The following PCDHGA4 variants were observed in gnomAD, a reference collection of about 807,000 sequenced individuals.
The protein encoded by PCDHGA4 is protocadherin gamma-A4.
In PCDHGA4, 38 loss-of-function variants were observed where a neutral mutation model predicts 54.6. The ratio of observed to expected loss-of-function variants is 0.70; its 90% confidence interval spans 0.54 to 0.91. The LOEUF is 0.91. Ranked by LOEUF, PCDHGA4 falls within the 40% of genes least tolerant of loss-of-function variation. The probability of loss-of-function intolerance (pLI) is 0.00; values close to 1 mark genes in which losing one functional copy is unlikely to be tolerated. For synonymous variants in PCDHGA4, 511 were observed against 512.9 expected, an observed-to-expected ratio of 1.00 and a Z score of 0.05; for missense variants, 1,298 against 1,220.9, an observed-to-expected ratio of 1.06 and a Z score of -0.94.
Position 141,372,614 on chromosome 5 carries a change from C to A in PCDHGA4, c.2514+14993C>A, listed in dbSNP as rs759304946. 6.2e-6 allele frequency: 10 copies of A among 1,613,984 alleles called. No individual in the cohort carries two copies. The South Asian group carries it at 8.8e-5, about 14-fold the overall frequency. On this transcript the variant is annotated intron_variant, in intron 1 of 3. Coordinates refer to ENST00000571252, the MANE Select transcript of PCDHGA4 (RefSeq NM_018917.4). Reference sequence around the variant, plus strand: ...GCTTCAAGACTGTACCTGGAGTTCTCCCCACCTACAGCGAAAGGACTTTGC... The same window carrying A: ...GCTTCAAGACTGTACCTGGAGTTCTACCCACCTACAGCGAAAGGACTTTGC...
At chr5:141,381,572 T>A (rs566489339) in intron 1 of PCDHGA4, among the ~76,000 whole-genome samples, 1 of 152,338 alleles carries the variant, frequency 6.6e-6, no homozygotes, top group African/African-American at 2.4e-5. Flanking sequence ...ATGAAAAGAA[T>A]CAGCCAATCC....
chr5:141,482,350 G>A lies in PCDHGA4; in HGVS notation c.2515-12457G>A, dbSNP rs184055854. ...AGAATATCTACTTTGCAAACTTGTT[G>A]TGAGAGTGAAAAGTAATGCATATAA... On this transcript the variant is annotated intron_variant, in intron 1 of 3. Coordinates refer to ENST00000571252, the MANE Select transcript of PCDHGA4 (RefSeq NM_018917.4). Among the ~76,000 whole-genome samples the A allele has an allele frequency of 5.3e-5, 8 of 152,200 alleles. No individual in the cohort carries two copies. In the East Asian group the frequency reaches 1.4e-3, roughly 26 times the overall value.
chr5:141,414,613 G>A (rs957641063), intron 1 of PCDHGA4: 2 of 1,613,988 alleles, frequency 1.2e-6, no homozygotes, highest in East Asian at 4.5e-5. Flanking sequence ...CTCAGTGACA[G>A]CGCTGGACCC....
At chr5:141,365,306 G>C in intron 1 of PCDHGA4, 1 of 1,613,976 alleles carries the variant, frequency 6.2e-7, no homozygotes, top group South Asian at 1.1e-5. Context: ...GGATGGAGGC[G>C]CTCTTGTTGC....
rs1386460009 is a variant in PCDHGA4 at position 141,390,018 on chromosome 5, C to T, written c.2514+32397C>T. On this transcript the variant is annotated intron_variant, in intron 1 of 3. Transcript: ENST00000571252. ...GGCCATGATTCTGGCCATTGCCTTG[C>T]GCCTGCGACGCTCCTCCAGCCCCGC... is the stretch of plus-strand genomic sequence containing the variant. The T allele has an allele frequency of 6.2e-7, 1 of 1,614,062 alleles. No individual in the cohort carries two copies. Among genetic ancestry groups the T allele is most frequent in the South Asian group, 1.1e-5 (1 of 91,078 alleles).
At chr5:141,387,019 A>G (rs753625930) in intron 1 of PCDHGA4, among the ~76,000 whole-genome samples, 1 of 152,192 alleles carries the variant, frequency 6.6e-6, no homozygotes, top group Non-Finnish European at 1.5e-5. Context: ...TTGAAGATGA[A>G]TGTTGTATTT....
intron 1 of PCDHGA4, chr5:141,400,635 TG>T: frequency 7.3e-7 from 1 of 1,373,110 alleles, no homozygotes; most frequent in Non-Finnish European, 1.0e-6. Flanking sequence ...AAGTCAGAGC[TG>T]CTCAGAAAGC....
At chr5:141,362,021 C>A (rs1233254898) in intron 1 of PCDHGA4, 1 of 1,607,220 alleles carries the variant, frequency 6.2e-7, no homozygotes, top group Admixed American at 1.7e-5. Flanking sequence ...GTGCGCACAG[C>A]GCGTGCCTTG....
intron 1 of PCDHGA4, chr5:141,364,429 C>T (rs1297312122): frequency 1.9e-6 from 3 of 1,613,650 alleles, no homozygotes; most frequent in Admixed American, 1.7e-5. Flanking sequence ...AGATCCGCTA[C>T]TCGATGCCGG....
At position 141,405,389 on chromosome 5, in the gene PCDHGA4, T is replaced by C. The variant is rs577174600; in HGVS notation, c.2514+47768T>C. ...CCCTTTGGTTCCGGTGAGTTCATTT[T>C]TTTTCTTTCTTTCTTTTCTTTTTTT... On this transcript the variant is annotated intron_variant, in intron 1 of 3. Transcript: ENST00000571252. The C allele has an allele frequency of 2.5e-6, 4 of 1,600,534 alleles. No individual in the cohort carries two copies. The East Asian group carries it at 6.7e-5, about 27-fold the overall frequency.
intron 1 of PCDHGA4, chr5:141,410,157 C>T: frequency 6.2e-7 from 1 of 1,613,546 alleles, no homozygotes; most frequent in Non-Finnish European, 8.5e-7. Context: ...GGTGGACAGC[C>T]GCCACTCTCT....
intron 1 of PCDHGA4, chr5:141,372,764 T>C: frequency 6.2e-7 from 1 of 1,612,408 alleles, no homozygotes; most frequent in Non-Finnish European, 8.5e-7. Context: ...GGTTTGAAAG[T>C]AATGACAATC....
At chr5:141,451,673 G>A (rs912482749) in intron 1 of PCDHGA4, among the ~76,000 whole-genome samples, 4 of 152,164 alleles carry the variant, frequency 2.6e-5, no homozygotes, top group African/African-American at 7.2e-5. Context: ...CTTGAGCCCA[G>A]GAGTTCAAGA....
At chr5:141,385,516 C>A in intron 1 of PCDHGA4, 1 of 1,367,218 alleles carries the variant, frequency 7.3e-7, no homozygotes, top group South Asian at 1.9e-5. Flanking sequence ...TAGTGAAAGC[C>A]TATGGACAAG....
At chr5:141,388,465 T>C in intron 1 of PCDHGA4, 2 of 1,613,816 alleles carry the variant, frequency 1.2e-6, no homozygotes, top group Non-Finnish European at 1.7e-6. Flanking sequence ...TACCCTGAGA[T>C]GGTATTGAAG....
At chr5:141,422,684 C>T (rs2096664410) in intron 1 of PCDHGA4, 1 of 1,604,876 alleles carries the variant, frequency 6.2e-7, no homozygotes, top group Admixed American at 1.7e-5. Flanking sequence ...AAACAGAATG[C>T]CCTGGTCACT....
chr5:141,415,026 G>T, intron 1 of PCDHGA4: 2 of 1,613,590 alleles, frequency 1.2e-6, no homozygotes, highest in Non-Finnish European at 1.7e-6. Context: ...AGGCCAGCGA[G>T]CCGGGACTCT....
chr5:141,375,863 G>A, intron 1 of PCDHGA4: 3 of 1,613,986 alleles, frequency 1.9e-6, no homozygotes, highest in East Asian at 2.2e-5. Context: ...GGTGGTGGCG[G>A]TGGACAGAGA....
At chr5:141,365,446 T>A in intron 1 of PCDHGA4, 1 of 1,614,030 alleles carries the variant, frequency 6.2e-7, no homozygotes, top group Non-Finnish European at 8.5e-7. Context: ...TTAGCGTACA[T>A]GATGGTGATT....
Sources: allele counts gnomAD v4.1 joint callset (sites outside exome capture counted in the v4.1 genomes callset), GRCh38; gene constraint gnomAD v4.1.1; transcripts MANE v1.5; gene names NCBI Gene and HGNC (gene_info 2026-07-23, HGNC 2026-07-21).